HDAC4: variants seen among roughly 807,000 people sequenced by gnomAD.
HDAC4 encodes histone deacetylase A.
Under a neutral mutation model 135.1 loss-of-function variants are expected in HDAC4, and 16 were observed. The ratio of observed to expected loss-of-function variants is 0.12; its 90% CI spans 0.08 to 0.18. The LOEUF (loss-of-function observed/expected upper bound fraction) is 0.18, where lower values mean the gene tolerates loss of function less well. Among genes scored for constraint, HDAC4 ranks in the 10% least tolerant of loss-of-function variants. HDAC4 has a pLI of 1.00. For missense variants in HDAC4, 1,143 were observed against 1,511.8 expected (o/e 0.76, Z 4.05); for synonymous variants, 685 against 653.4 (o/e 1.05, Z -0.74).
chr2:239,252,110 C>G (rs2048814370), intron 2 of HDAC4, among the ~76,000 whole-genome samples: 1 of 152,132 alleles, frequency 6.6e-6, no homozygotes, highest in Non-Finnish European at 1.5e-5. Flanking sequence ...GGATTTCTGC[C>G]CCTTCCAGAC....
chr2:239,394,976 G>T (rs544733417), intron 1 of HDAC4, among the ~76,000 whole-genome samples: 1 of 152,244 alleles, frequency 6.6e-6, no homozygotes, highest in Admixed American at 6.5e-5. Flanking sequence ...TGCACAATGG[G>T]ATGCTGTTAG....
intron 2 of HDAC4, among the ~76,000 whole-genome samples, chr2:239,320,065 T>C (rs962080266): frequency 6.6e-6 from 1 of 152,114 alleles, no homozygotes; most frequent in Non-Finnish European, 1.5e-5. Context: ...TTAAAATAAA[T>C]GCGTGTGGAG....
chr2:239,301,625 C>T (rs911312459), intron 2 of HDAC4, among the ~76,000 whole-genome samples: 4 of 152,004 alleles, frequency 2.6e-5, no homozygotes, highest in African/African-American at 7.3e-5. Flanking sequence ...GGACTACAGA[C>T]GCATACCACC....
At position 239,308,708 on chromosome 2, in the gene HDAC4, C is replaced by T. The variant is rs546791661; in HGVS notation, c.22+43970G>A. On this transcript the variant is annotated intron_variant, in intron 2 of 26. Coordinates refer to ENST00000543185, the MANE Select transcript of HDAC4 (RefSeq NM_001378414.1). This position sits in a 1 kb window ranked among gnomAD's most constrained non-coding sequence, Gnocchi z 4.2. ...TTCCAGCCCAGTGCAGGGGTTCAGC[C>T]GCTGCAGAAACTCCGAATCTGCTAA... 3.3e-5 allele frequency among the ~76,000 whole-genome samples: 5 copies of T among 152,130 alleles called. No individual in the cohort carries two copies. The highest frequency in any genetic ancestry group is 7.2e-5 in the African/African-American group (3 of 41,410).
At position 239,054,778 on chromosome 2, in the gene HDAC4, C is replaced by A; in HGVS notation, c.3059G>T (p.Arg1020Leu). ...LQQRPNANAV[R>L]SMEKVMEIHS... The stretch of plus-strand genomic sequence containing the variant: ...GATCTCCATGACTTTCTCCATGGAA[C>A]GGACAGCGTTTGCATTGGGTCTTTG... The change falls in exon 25 of 27, where the codon CGT becomes CTT. Residue 1020 changes from arginine to leucine, a missense_variant. Around this residue, in one of 9 missense-constraint regions of HDAC4, gnomAD observed 131 missense variants for 130.6 expected, o/e 1.00. Transcript: ENST00000543185. The A allele has an allele frequency of 6.2e-7, 1 of 1,613,296 alleles. No individual in the cohort carries two copies. The highest frequency in any genetic ancestry group is 1.1e-5 in the South Asian group (1 of 91,058).
intron 1 of HDAC4, among the ~76,000 whole-genome samples, chr2:239,393,446 C>G (rs1032607631): frequency 9.2e-5 from 14 of 152,234 alleles, no homozygotes; most frequent in Non-Finnish European, 1.6e-4. Flanking sequence ...ACCTCCACCC[C>G]ACCCAGGCAG....
At chr2:239,163,437 G>T (rs1209471762) in intron 6 of HDAC4, among the ~76,000 whole-genome samples, 1 of 151,912 alleles carries the variant, frequency 6.6e-6, no homozygotes, top group Non-Finnish European at 1.5e-5. Flanking sequence ...CGTGTGAGTG[G>T]ACCCCCAGAC....
At chr2:239,276,140 C>G (rs1241119493) in intron 2 of HDAC4, among the ~76,000 whole-genome samples, 1 of 152,206 alleles carries the variant, frequency 6.6e-6, no homozygotes, top group African/African-American at 2.4e-5. Context: ...CACCGACCCC[C>G]ACGCCAGCAA....
At chr2:239,321,464 CAAAAAAAAAAAAAA>C (rs10530231) in intron 2 of HDAC4, among the ~76,000 whole-genome samples, 3 of 56,278 alleles carry the variant, frequency 5.3e-5, no homozygotes, top group Non-Finnish European at 9.9e-5. Flanking sequence ...GACTCCGTCT[CAAAAAAAAAAAAAA>C]AAAAAAAAAA....
intron 2 of HDAC4, among the ~76,000 whole-genome samples, chr2:239,290,271 C>T (rs1271820929): frequency 6.6e-6 from 1 of 152,142 alleles, no homozygotes; most frequent in Non-Finnish European, 1.5e-5. Context: ...GAGCTAATTC[C>T]TTAACTATAA....
chr2:239,343,071 C>T lies in HDAC4; in HGVS notation c.22+9607G>A, dbSNP rs550828260. Among the ~76,000 whole-genome samples the T allele has an allele frequency of 5.9e-5, 9 of 152,352 alleles. No individual in the cohort carries two copies. In the South Asian group the frequency reaches 1.9e-3, roughly 32 times the overall value. On this transcript the variant is annotated intron_variant, in intron 2 of 26. Coordinates refer to ENST00000543185, the MANE Select transcript of HDAC4 (RefSeq NM_001378414.1). ...ATGCGTATCACTCCTGAAGGGCCAG[C>T]ACTCCCAGTGTCTTACTGATTAGGT...
Position 239,115,038 on chromosome 2 carries a change from C to T in HDAC4, c.1791+15G>A. The T allele has an allele frequency of 6.2e-7, 1 of 1,608,084 alleles. No individual in the cohort carries two copies. ...TGCGTGCCAGCCTTCTGGTGCCCTC[C>T]CCGCCTGCGGTCACCTGTCTGAAGA... On this transcript the variant is annotated intron_variant, in intron 13 of 26. Transcript: ENST00000543185. This position sits in a 1 kb window ranked among gnomAD's most constrained non-coding sequence, Gnocchi z 6.3.
intron 3 of HDAC4, among the ~76,000 whole-genome samples, chr2:239,232,506 T>C (rs1455422533): frequency 7.1e-5 from 10 of 140,664 alleles, no homozygotes; most frequent in Admixed American, 4.9e-4. Context: ...TGTCTCCGCC[T>C]GGGATCTGCC....
At position 239,048,601 on chromosome 2, in the gene HDAC4, T is replaced by A. The variant is rs2030334062; in HGVS notation, c.*4496A>T. On this transcript the variant is annotated 3_prime_UTR_variant, in exon 27 of 27. Coordinates refer to ENST00000543185, the MANE Select transcript of HDAC4 (RefSeq NM_001378414.1). ...GATAGATAGATAGATAGATTATATATGTTTGTCATTCTCATCAATTGGAAA... is the reference window on the plus strand; with the variant it reads ...GATAGATAGATAGATAGATTATATAAGTTTGTCATTCTCATCAATTGGAAA... The A allele has an allele frequency of 9.0e-6, 1 of 111,206 alleles. No individual in the cohort carries two copies. Among genetic ancestry groups the A allele is most frequent in the African/African-American group, 3.0e-5 (1 of 33,146 alleles). 6.9% of individuals were successfully genotyped at this position (111,206 alleles called of 1,614,324 possible). A position where few individuals can be genotyped will look rare whatever the true frequency, so the allele number is the denominator to read the frequency against.
chr2:239,332,127 G>C lies in HDAC4; in HGVS notation c.22+20551C>G, dbSNP rs4851973. ...AGGCTAAACCTGACAGAGCTAAAAA[G>C]AGAAACAATGCCAATCCACAGTTAC... On this transcript the variant is annotated intron_variant, in intron 2 of 26. Transcript: ENST00000543185. Among the ~76,000 whole-genome samples, 247 of 152,300 alleles carry C rather than the reference G, an allele frequency of 1.6e-3. 5 individuals carry two copies. Among genetic ancestry groups the C allele is most frequent in the Admixed American group, 0.012 (189 of 15,302 alleles).
chr2:239,171,169 C>CAAAAAAAAAAAAAAAAAAAAAAAAA (rs34204026), intron 5 of HDAC4, among the ~76,000 whole-genome samples: 1 of 114,384 alleles, frequency 8.7e-6, no homozygotes, highest in Admixed American at 8.3e-5. Flanking sequence ...ACAATCTGAC[C>CAAAAAAAAAAAAAAAAAAAAAAAAA]AAAAAAAAAA....
chr2:239,252,651 C>T (rs1432862775), intron 2 of HDAC4, among the ~76,000 whole-genome samples: 1 of 152,228 alleles, frequency 6.6e-6, no homozygotes, highest in Non-Finnish European at 1.5e-5. Context: ...CCGCCACCTC[C>T]TCCCCTTGCT....
chr2:239,251,289 C>G (rs2048771657), intron 2 of HDAC4, among the ~76,000 whole-genome samples: 2 of 152,248 alleles, frequency 1.3e-5, no homozygotes, highest in Non-Finnish European at 2.9e-5. Flanking sequence ...CGTGGGTGAT[C>G]TGGGTAAAGA....
intron 2 of HDAC4, among the ~76,000 whole-genome samples, chr2:239,311,035 G>A (rs143368392): frequency 4.6e-5 from 7 of 152,326 alleles, no homozygotes; most frequent in Non-Finnish European, 7.3e-5. Context: ...AGATCTGCGC[G>A]GTCGCGGTCT....
Sources: gnomAD v4.1 joint callset for allele counts (sites outside exome capture counted in the v4.1 genomes callset) on GRCh38, gnomAD v4.1.1 for gene constraint, gnomAD v4.1.1 regional missense constraint, Gnocchi (gnomAD v3.1) non-coding constraint, MANE v1.5 for transcripts, NCBI Gene and HGNC (gene_info 2026-07-23, HGNC 2026-07-21) for gene names.